TIMELESS: variants seen among roughly 807,000 people sequenced by gnomAD.
TIMELESS encodes timeless circadian regulator.
In TIMELESS, 124 loss-of-function variants were observed where a neutral mutation model predicts 164.3. That is an observed-to-expected ratio of 0.75 (90% CI 0.65 to 0.88). The LOEUF (loss-of-function observed/expected upper bound fraction) is 0.88, where lower values mean the gene tolerates loss of function less well. Among genes scored for constraint, TIMELESS ranks in the 40% least tolerant of loss-of-function variants. The pLI is 0.00. For synonymous variants in TIMELESS, 564 were observed against 563.4 expected, an observed-to-expected ratio of 1.00 and a Z score of -0.02; for missense variants, 1,422 against 1,491.4, an observed-to-expected ratio of 0.95 and a Z score of 0.77.
intron 1 of TIMELESS, among the ~76,000 whole-genome samples, chr12:56,436,648 T>A (rs1355971437): frequency 6.6e-6 from 1 of 152,158 alleles, no homozygotes; most frequent in African/African-American, 2.4e-5. Context: ...GCTGCAGACA[T>A]GGCTCTCTCC....
In TIMELESS at chr12:56,419,477, T is replaced by TGG. The variant is rs200854912; in HGVS notation, c.3228+1091_3228+1092insCC. On this transcript the variant is annotated intron_variant, in intron 26 of 28. Coordinates refer to ENST00000553532, the MANE Select transcript of TIMELESS (RefSeq NM_003920.5). ...CAGATGGAGTGTGTGTGTGTGTGTG[T>TGG]GTGTGTGTGTCACCCTGTGTGCACG... Among the ~76,000 whole-genome samples, 1,051 of 151,692 alleles carry TGG rather than the reference T, an allele frequency of 6.9e-3. 14 individuals carry two copies. Among genetic ancestry groups the TGG allele is most frequent in the African/African-American group, 0.024 (994 of 41,296 alleles).
chr12:56,423,975 A>G, intron 15 of TIMELESS, 81 bp from the exon 16 acceptor site: 1 of 1,263,162 alleles, frequency 7.9e-7, no homozygotes, highest in Non-Finnish European at 1.1e-6. Context: ...GAAGGAATTT[A>G]GACTTATTTC....
chr12:56,430,221 C>A lies in TIMELESS; in HGVS notation c.970G>T (p.Ala324Ser). The part of the protein sequence containing the change: ...QPKKVPKRRQ[A>S]ARELSIQRRS... ...CGCTGAATGGACAGCTCTCGGGCGG[C>A]CTGGCGACGTTTAGGCACCTTTTTC... Residue 324 changes from alanine to serine, a missense_variant, in exon 10 of 29, where the codon GCC (alanine) becomes TCC (serine). Ala to Ser is a moderately conservative substitution (Grantham distance 99). Coordinates refer to ENST00000553532, the MANE Select transcript of TIMELESS (RefSeq NM_003920.5). 6.2e-7 allele frequency: 1 copy of A among 1,614,048 alleles called. No individual in the cohort carries two copies.
At chr12:56,447,400 G>A (rs528424896) in intron 1 of TIMELESS, among the ~76,000 whole-genome samples, 88 of 152,168 alleles carry the variant, frequency 5.8e-4, no homozygotes, top group Middle Eastern at 3.4e-3. Flanking sequence ...CAATGTAAGT[G>A]CTCAATAAAT....
chr12:56,421,545 T>C, intron 22 of TIMELESS, 52 bp from the exon 23 acceptor site: 1 of 1,579,156 alleles, frequency 6.3e-7, no homozygotes, highest in Non-Finnish European at 8.6e-7. Context: ...AAGAGATGAG[T>C]AAAATAAATC....
intron 1 of TIMELESS, among the ~76,000 whole-genome samples, chr12:56,448,328 C>T (rs1000604889): frequency 6.6e-6 from 1 of 151,910 alleles, no homozygotes; most frequent in Non-Finnish European, 1.5e-5. Flanking sequence ...ATCGCTTGAA[C>T]TGGGGAGGCG....
At position 56,422,816 on chromosome 12, in the gene TIMELESS, C is replaced by A. The variant is rs1234255652; in HGVS notation, c.2438+31G>T. On this transcript the variant is annotated intron_variant, in intron 19 of 28. Coordinates refer to ENST00000553532, the MANE Select transcript of TIMELESS (RefSeq NM_003920.5). ...GACTCTGCATCAAACTTCCCCTACC[C>A]CCACCCACCCTTTGCCAACTTCAAG... 3.3e-6 allele frequency: 5 copies of A among 1,519,970 alleles called. No individual in the cohort carries two copies. In the South Asian group the frequency reaches 3.5e-5, roughly 11 times the overall value. 94.2% of individuals were successfully genotyped at this position (1,519,970 alleles called of 1,614,324 possible).
chr12:56,431,365 A>G, intron 8 of TIMELESS, 106 bp downstream of exon 8: 1 of 1,403,232 alleles, frequency 7.1e-7, no homozygotes. Context: ...AAAAAAAAAA[A>G]AAAAAAACAC....
intron 26 of TIMELESS, among the ~76,000 whole-genome samples, chr12:56,420,320 T>C (rs1198754565): frequency 1.3e-5 from 2 of 151,878 alleles, no homozygotes; most frequent in Non-Finnish European, 2.9e-5. Context: ...TAATCAAGAC[T>C]ATATTTTAAA....
intron 13 of TIMELESS, among the ~76,000 whole-genome samples, chr12:56,426,686 A>G (rs761983846): frequency 1.3e-5 from 2 of 152,070 alleles, no homozygotes; most frequent in Non-Finnish European, 2.9e-5. Context: ...CAGCCTCCCA[A>G]GAAGCTGGGA....
intron 13 of TIMELESS, 122 bp from the exon 14 acceptor site, chr12:56,425,274 A>T: frequency 2.5e-6 from 3 of 1,212,824 alleles, no homozygotes; most frequent in Non-Finnish European, 3.4e-6. Context: ...TCTGCTATCC[A>T]TCGGTAATAG....
rs758774599 is a variant in TIMELESS, at chr12:56,434,185, A to G, written c.-15T>C. 2.5e-6 allele frequency: 4 copies of G among 1,595,432 alleles called. No individual in the cohort carries two copies. In the Admixed American group the frequency reaches 6.7e-5, roughly 27 times the overall value. On this transcript the variant is annotated 5_prime_UTR_variant, in exon 2 of 29. Coordinates refer to ENST00000553532, the MANE Select transcript of TIMELESS (RefSeq NM_003920.5). ...TGCAAGTCCATACATCAGTGGACCA[A>G]CCAACAGAGAAGGAAGTGGAGAAAC...
In TIMELESS at chr12:56,418,998, A is replaced by ATTT. The variant is rs34996841; in HGVS notation, c.3229-642_3229-640dup. Among the ~76,000 whole-genome samples the ATTT allele has an allele frequency of 1.0e-4, 14 of 139,286 alleles. 2 individuals carry two copies. In the East Asian group the frequency reaches 1.5e-3, roughly 15 times the overall value. 91.4% of individuals were successfully genotyped at this position (139,286 alleles called of 152,430 possible). Reference sequence around the variant, plus strand: ...AACAAATGTACTGTAGTATCACAGGATTTTTTTTTTTTTCTTTTTGAGGCA... The same window carrying ATTT: ...AACAAATGTACTGTAGTATCACAGGATTTTTTTTTTTTTTTTCTTTTTGAGGCA... On this transcript the variant is annotated intron_variant, in intron 26 of 28. Coordinates refer to ENST00000553532, the MANE Select transcript of TIMELESS (RefSeq NM_003920.5).
Position 56,418,346 on chromosome 12 carries a change from C to T in TIMELESS, c.3242G>A (p.Arg1081Gln), listed in dbSNP as rs769060888. 6 of 1,608,688 alleles carry T rather than the reference C, an allele frequency of 3.7e-6. No individual in the cohort carries two copies. The highest frequency in any genetic ancestry group is 2.2e-5 in the East Asian group (1 of 44,812). ...PPASGQETFWRIPAKLSPTQL... is the reference protein window; with the variant it reads ...PPASGQETFWQIPAKLSPTQL... ...GGTAGGACTCAGCTTGGCTGGAATTCGCCAGAAGGTTTCCTACAGGGGCCA... is the reference window on the plus strand; with the variant it reads ...GGTAGGACTCAGCTTGGCTGGAATTTGCCAGAAGGTTTCCTACAGGGGCCA... Residue 1081 changes from arginine to glutamine, a missense_variant, in exon 27 of 29, where the codon CGA (arginine) becomes CAA (glutamine). Physicochemically the swap from Arg to Gln is conservative, Grantham distance 43. Transcript: ENST00000553532.
chr12:56,441,580 T>G (rs1417260941), intron 1 of TIMELESS, among the ~76,000 whole-genome samples: 4 of 152,042 alleles, frequency 2.6e-5, no homozygotes, highest in Non-Finnish European at 4.4e-5. Flanking sequence ...CGAGCTGAAA[T>G]TGTGCCACTG....
At position 56,421,184 on chromosome 12, in the gene TIMELESS, A is replaced by G. The variant is rs368026360; in HGVS notation, c.2869-50T>C. 5.6e-6 allele frequency: 9 copies of G among 1,610,804 alleles called. No individual in the cohort carries two copies. In the African/African-American group the frequency reaches 1.2e-4, roughly 22 times the overall value. ...AATGAAAATGAAGGCAACACAAGGA[A>G]CTTAGTGGAGTCTCCTCGTTCCTGA... is the stretch of plus-strand genomic sequence containing the variant. On this transcript the variant is annotated intron_variant, in intron 23 of 28. Coordinates refer to ENST00000553532, the MANE Select transcript of TIMELESS (RefSeq NM_003920.5).
rs987632895 is a variant in TIMELESS, at chr12:56,431,579, C to T, written c.713G>A (p.Gly238Glu). The change falls in exon 8 of 29, where the codon GGG (glycine) becomes GAG (glutamate). Residue 238 changes from glycine (G) to glutamate (E), a missense_variant. Transcript: ENST00000553532. ...CCGCTCCTGAGCTAAGCGTCCCTGC[C>T]CTACTCCCGCCAGCTGCTCGGGGTT... The part of the protein sequence containing the change: ...DQNPEQLAGV[G>E]QGRLAQERSA... The T allele has an allele frequency of 1.9e-6, 3 of 1,613,284 alleles. No individual in the cohort carries two copies. Among genetic ancestry groups the T allele is most frequent in the Non-Finnish European group, 2.5e-6 (3 of 1,179,860 alleles).
chr12:56,421,852 A>C, intron 21 of TIMELESS, 43 bp from the exon 22 acceptor site: 1 of 1,613,586 alleles, frequency 6.2e-7, no homozygotes, highest in Non-Finnish European at 8.5e-7. Flanking sequence ...CCAGGAAGTG[A>C]TCACGAGTCC....
In TIMELESS at chr12:56,433,127, C is replaced by G; in HGVS notation, c.430G>C (p.Gly144Arg). The change falls in exon 6 of 29, where the codon GGC (glycine) becomes CGC (arginine). Residue 144 changes from glycine to arginine, a missense_variant and splice_region_variant. Physicochemically the swap from Gly to Arg is moderately radical, Grantham distance 125. Transcript: ENST00000553532. ...SETLYELLQL[G>R]WEERQEEDNL... ...TCTTCCTCCTGCCGTTCCTCCCAGC[C>G]CTAACCAGAAGAGAGTAAGAGGAAG... 1 of 1,614,006 alleles carries G rather than the reference C, an allele frequency of 6.2e-7. No individual in the cohort carries two copies. The highest frequency in any genetic ancestry group is 8.5e-7 in the Non-Finnish European group (1 of 1,179,962).
Sources: gnomAD v4.1 joint callset for allele counts (sites outside exome capture counted in the v4.1 genomes callset) on GRCh38, gnomAD v4.1.1 for gene constraint, MANE v1.5 for transcripts, NCBI Gene and HGNC (gene_info 2026-07-23, HGNC 2026-07-21) for gene names.